GRM4: variants seen among roughly 807,000 people sequenced by gnomAD.
The protein encoded by GRM4 is glutamate metabotropic receptor 4.
Under a neutral mutation model 81.7 loss-of-function variants are expected in GRM4, and 28 were observed. The ratio of observed to expected loss-of-function variants is 0.34; its 90% CI spans 0.25 to 0.47. The LOEUF (loss-of-function observed/expected upper bound fraction) is 0.47. GRM4 is among the 20% of genes least tolerant of loss of function. The pLI is 1.00. For missense variants in GRM4, 948 were observed against 1,290.0 expected, an observed-to-expected ratio of 0.73 and a Z score of 4.06; for synonymous variants, 488 against 528.8, an observed-to-expected ratio of 0.92 and a Z score of 1.06.
chr6:34,090,180 T>TG lies in GRM4; in HGVS notation c.736+1702dup, dbSNP rs1013950192. On this transcript the variant is annotated intron_variant, in intron 3 of 10. Coordinates refer to ENST00000538487, the MANE Select transcript of GRM4 (RefSeq NM_000841.4). This position sits in a 1 kb window ranked among gnomAD's most constrained non-coding sequence, Gnocchi z 5.2. ...CACAGAGGGAGGCCTGCATGAGCAC[T>TG]GGGGGTGGCTTTGAGGTCCCTCAGG... 5.3e-5 allele frequency among the ~76,000 whole-genome samples: 8 copies of TG among 152,272 alleles called. No individual in the cohort carries two copies. Among genetic ancestry groups the TG allele is most frequent in the African/African-American group, 1.9e-4 (8 of 41,548 alleles).
At chr6:34,150,831 G>A (rs558981695), upstream of GRM4, among the ~76,000 whole-genome samples, 2 of 152,332 alleles carry the variant, frequency 1.3e-5, no homozygotes, top group African/African-American at 4.8e-5. Flanking sequence ...CCTGCCACTG[G>A]GCAGAGAGGA....
intron 6 of GRM4, among the ~76,000 whole-genome samples, chr6:34,041,733 C>T (rs1765029599): frequency 6.6e-6 from 1 of 152,168 alleles, no homozygotes; most frequent in African/African-American, 2.4e-5. Flanking sequence ...TATGGAGGTC[C>T]CTGGGCTGGA....
Position 34,076,322 on chromosome 6 carries a change from C to A in GRM4, c.737-14294G>T, listed in dbSNP as rs539497264. On this transcript the variant is annotated intron_variant, in intron 3 of 10. Coordinates refer to ENST00000538487, the MANE Select transcript of GRM4 (RefSeq NM_000841.4). ...GTTGGGTAATGAAGTCCCCCTGGACCCTTCTCCTGAGCTAGCCCTTGCCCC... is the reference window on the plus strand; with the variant it reads ...GTTGGGTAATGAAGTCCCCCTGGACACTTCTCCTGAGCTAGCCCTTGCCCC... Among the ~76,000 whole-genome samples, 108 of 152,316 alleles carry A rather than the reference C, an allele frequency of 7.1e-4. 1 individual carries two copies. In the Middle Eastern group the frequency reaches 0.01, roughly 14 times the overall value.
At chr6:34,039,628 G>A (rs953094077) in intron 8 of GRM4, among the ~76,000 whole-genome samples, 6 of 152,352 alleles carry the variant, frequency 3.9e-5, no homozygotes, top group African/African-American at 2.4e-5. Flanking sequence ...CTAGGAAAGC[G>A]TGGCTAGGAG....
chr6:34,055,301 C>T (rs1271304840), intron 6 of GRM4: 3 of 152,248 alleles, frequency 2.0e-5, no homozygotes, highest in Non-Finnish European at 4.4e-5. Context: ...GGTGTATACA[C>T]AAACACTGCC....
At chr6:34,085,542 C>T (rs1008230629) in intron 3 of GRM4, among the ~76,000 whole-genome samples, 13 of 152,148 alleles carry the variant, frequency 8.5e-5, no homozygotes, top group African/African-American at 3.1e-4. Context: ...CTCAGTTTGC[C>T]CCTCTGTAGG....
chr6:34,044,275 C>T (rs1319893215), intron 6 of GRM4, among the ~76,000 whole-genome samples: 2 of 150,906 alleles, frequency 1.3e-5, no homozygotes, highest in Non-Finnish European at 3.0e-5. Flanking sequence ...CACATATACA[C>T]ATACACACAC....
rs566776728 is a variant in GRM4, at chr6:34,047,541, C to T, written c.1169-6793G>A. On this transcript the variant is annotated intron_variant, in intron 6 of 10. Transcript: ENST00000538487. The surrounding 1 kb of genome is among the most constrained non-coding windows in gnomAD (Gnocchi z 4.5). The stretch of plus-strand genomic sequence containing the variant: ...ACACGCTTGCTTTTCAGCCCTATAC[C>T]GCAGTTTTGCCGGCCCCCTCCTCTC... Among the ~76,000 whole-genome samples, 44 of 152,244 alleles carry T rather than the reference C, an allele frequency of 2.9e-4. No individual in the cohort carries two copies. The South Asian group carries it at 7.3e-3, about 25-fold the overall frequency.
intron 1 of GRM4, among the ~76,000 whole-genome samples, chr6:34,139,127 C>T (rs572849149): frequency 1.9e-4 from 29 of 152,328 alleles, no homozygotes; most frequent in African/African-American, 6.7e-4. Flanking sequence ...GGGGTCTGGC[C>T]CCAACCGGCT....
chr6:34,133,902 AAAG>A lies in GRM4; in HGVS notation c.-363-46_-363-44del. ...GAGAGAGAATATCAAACAGAAGCCC[AAAG>A]AAGACATTAGCTAGTCTCATCTCTC... On this transcript the variant is annotated intron_variant, in intron 1 of 10. Coordinates refer to ENST00000538487, the MANE Select transcript of GRM4 (RefSeq NM_000841.4). The surrounding 1 kb of genome is among the most constrained non-coding windows in gnomAD (Gnocchi z 6.5). 1 of 915,920 alleles carries A rather than the reference AAAG, an allele frequency of 1.1e-6. No individual in the cohort carries two copies. The highest frequency in any genetic ancestry group is 1.3e-6 in the Non-Finnish European group (1 of 760,590). The allele number at this position is 915,920 out of a possible 1,614,324, so 56.7% of individuals were successfully genotyped here.
At chr6:34,145,310 G>A (rs1770881953) in intron 1 of GRM4, among the ~76,000 whole-genome samples, 1 of 151,968 alleles carries the variant, frequency 6.6e-6, no homozygotes, top group South Asian at 2.1e-4. Context: ...CCGCCGCCAA[G>A]CGCGCGGCGT....
In GRM4 at chr6:34,036,580, C is replaced by A. The variant is rs374987528; in HGVS notation, c.1530G>T (p.Gly510=). ...HLRIERMHWP[G]SGQQLPRSIC... ...TGGAGCGGGGCAGCTGCTGCCCGCT[C>A]CCCGGCCAGTGCATCCGCTCTATCT... The change falls in exon 9 of 11, where the codon GGG becomes GGT. Residue 510 remains glycine, a synonymous_variant. Coordinates refer to ENST00000538487, the MANE Select transcript of GRM4 (RefSeq NM_000841.4). The surrounding 1 kb of genome is among the most constrained non-coding windows in gnomAD (Gnocchi z 9.0). The A allele has an allele frequency of 5.5e-5, 87 of 1,586,098 alleles. No individual in the cohort carries two copies. The highest frequency in any genetic ancestry group is 7.2e-5 in the Non-Finnish European group (84 of 1,164,856).
intron 3 of GRM4, among the ~76,000 whole-genome samples, chr6:34,073,111 TCAC>T (rs1767077814): frequency 2.4e-5 from 1 of 41,818 alleles, no homozygotes; most frequent in Non-Finnish European, 4.5e-5. Context: ...CACACACACA[TCAC>T]CACACAGATA....
chr6:34,048,493 G>A lies in GRM4; in HGVS notation c.1169-7745C>T, dbSNP rs1765460778. On this transcript the variant is annotated intron_variant, in intron 6 of 10. Transcript: ENST00000538487. The surrounding 1 kb of genome is among the most constrained non-coding windows in gnomAD (Gnocchi z 4.0). ...GGGGAACTCTGGGGACTGACTCTCA[G>A]GCAAATGTGGATGAGCCGCCCCTGC... Among the ~76,000 whole-genome samples, 1 of 152,142 alleles carries A rather than the reference G, an allele frequency of 6.6e-6. No homozygotes were observed. Among genetic ancestry groups the A allele is most frequent in the Non-Finnish European group, 1.5e-5 (1 of 68,020 alleles).
intron 6 of GRM4, chr6:34,054,447 T>C (rs1283815128): frequency 3.3e-5 from 5 of 152,120 alleles, no homozygotes; most frequent in Admixed American, 3.3e-4. Flanking sequence ...TACAGGCATG[T>C]GCCACCACGC....
intron 6 of GRM4, among the ~76,000 whole-genome samples, chr6:34,044,552 AAAC>A (rs1562021440): frequency 5.8e-5 from 5 of 85,966 alleles, no homozygotes; most frequent in African/African-American, 3.6e-4. Context: ...ACACACACAC[AAAC>A]ACACAGACAT....
At chr6:34,043,597 C>T (rs550826119) in intron 6 of GRM4, among the ~76,000 whole-genome samples, 15 of 152,156 alleles carry the variant, frequency 9.9e-5, no homozygotes, top group South Asian at 2.1e-4. Flanking sequence ...AGGCCAAGGA[C>T]GCACCCAGCC....
Position 34,056,559 on chromosome 6 carries a change from C to T in GRM4, c.1153G>A (p.Val385Ile). ...SRHALKKGSH[V>I]KKCTNRERIG... ...GCGTGCTCACTGGTGCACTTCTTGACGTGGCTGCCCTTCTTGAGGGCGTGG... is the reference window on the plus strand; with the variant it reads ...GCGTGCTCACTGGTGCACTTCTTGATGTGGCTGCCCTTCTTGAGGGCGTGG... Residue 385 changes from valine (V) to isoleucine (I), a missense_variant, in exon 6 of 11, where the codon GTC (valine) becomes ATC (isoleucine). By Grantham distance (29) the Val-to-Ile change is conservative (BLOSUM62 3). Coordinates refer to ENST00000538487, the MANE Select transcript of GRM4 (RefSeq NM_000841.4). 1 of 1,613,094 alleles carries T rather than the reference C, an allele frequency of 6.2e-7. No homozygotes were observed. The highest frequency in any genetic ancestry group is 8.5e-7 in the Non-Finnish European group (1 of 1,179,768).
intron 2 of GRM4, among the ~76,000 whole-genome samples, chr6:34,109,476 T>A (rs536327085): frequency 2.6e-5 from 4 of 152,170 alleles, no homozygotes; most frequent in Admixed American, 2.6e-4. Context: ...CCCACCCCAG[T>A]CAGCAGGCAC....
Sources: allele counts gnomAD v4.1 joint callset (sites outside exome capture counted in the v4.1 genomes callset), GRCh38; gene constraint gnomAD v4.1.1; non-coding constraint Gnocchi (gnomAD v3.1); transcripts MANE v1.5; gene names NCBI Gene and HGNC (gene_info 2026-07-23, HGNC 2026-07-21).